Variants in ROBO1 observed in about 807,000 individuals in gnomAD.
The protein encoded by ROBO1 is roundabout homolog 1.
ROBO1 carries 149 observed loss-of-function variants against 195.9 expected under a neutral mutation model. The ratio of observed to expected loss-of-function variants is 0.76; its 90% CI spans 0.67 to 0.87. ROBO1 has a LOEUF of 0.87. Among genes scored for constraint, ROBO1 ranks in the 40% least tolerant of loss-of-function variants. The pLI is 0.00. For synonymous variants in ROBO1, 816 were observed against 733.2 expected (o/e 1.11, Z -1.82); for missense variants, 1,933 against 2,068.3 (o/e 0.93, Z 1.27).
intron 8 of ROBO1, among the ~76,000 whole-genome samples, chr3:78,707,278 T>G (rs892024589): frequency 2.0e-5 from 3 of 152,122 alleles, no homozygotes; most frequent in African/African-American, 2.4e-5. Flanking sequence ...AGCACGGGGC[T>G]TTTTTTCTGT....
At chr3:78,775,514 A>T (rs1014020649) in intron 4 of ROBO1, among the ~76,000 whole-genome samples, 12 of 152,248 alleles carry the variant, frequency 7.9e-5, no homozygotes, top group African/African-American at 2.9e-4. Flanking sequence ...CTTTGCAATA[A>T]CAATTCACTC....
intron 3 of ROBO1, among the ~76,000 whole-genome samples, chr3:79,101,586 A>G (rs2079677340): frequency 6.6e-6 from 1 of 151,630 alleles, no homozygotes; most frequent in Non-Finnish European, 1.5e-5. Flanking sequence ...TCTCATCCTC[A>G]CCGTTTTCTT....
chr3:78,799,576 C>T (rs527652265), intron 4 of ROBO1, among the ~76,000 whole-genome samples: 18 of 152,108 alleles, frequency 1.2e-4, no homozygotes, highest in Admixed American at 8.5e-4. Context: ...CTCCTGACCT[C>T]GTGATCCACC....
intron 5 of ROBO1, among the ~76,000 whole-genome samples, chr3:78,745,325 A>C (rs1211216037): frequency 6.6e-6 from 1 of 151,012 alleles, no homozygotes; most frequent in Non-Finnish European, 1.5e-5. Context: ...AAAAAAAAAA[A>C]GATTTTTGTC....
At chr3:79,588,492 C>A (rs1481697851) in intron 2 of ROBO1, among the ~76,000 whole-genome samples, 17 of 151,604 alleles carry the variant, frequency 1.1e-4, no homozygotes, top group African/African-American at 3.9e-4. Flanking sequence ...GGAATTATAC[C>A]TAGGCTGTAT....
chr3:79,562,997 A>G (rs1942973979), intron 2 of ROBO1, among the ~76,000 whole-genome samples: 2 of 147,008 alleles, frequency 1.4e-5, no homozygotes, highest in Non-Finnish European at 3.0e-5. Flanking sequence ...TTGAGATTGC[A>G]TTCCCAGTAT....
At chr3:79,262,317 C>T (rs1444620504) in intron 2 of ROBO1, among the ~76,000 whole-genome samples, 1 of 152,046 alleles carries the variant, frequency 6.6e-6, no homozygotes, top group Non-Finnish European at 1.5e-5. Context: ...ATTCTCTCTC[C>T]AAGCCCACCT....
At chr3:79,365,542 T>A (rs528577380) in intron 2 of ROBO1, among the ~76,000 whole-genome samples, 2 of 152,130 alleles carry the variant, frequency 1.3e-5, no homozygotes, top group South Asian at 4.2e-4. Context: ...ACCAACCCCC[T>A]CCATTGAGTC....
intron 3 of ROBO1, among the ~76,000 whole-genome samples, chr3:78,985,126 C>A (rs1301802225): frequency 6.6e-6 from 1 of 152,090 alleles, no homozygotes; most frequent in Non-Finnish European, 1.5e-5. Context: ...CCAGCCTGGG[C>A]AACATGGCAA....
chr3:79,751,323 C>T (rs764867448), intron 1 of ROBO1, among the ~76,000 whole-genome samples: 6 of 152,022 alleles, frequency 3.9e-5, no homozygotes, highest in South Asian at 2.1e-4. Context: ...ATTGTATTAT[C>T]ATATCATTAA....
intron 2 of ROBO1, among the ~76,000 whole-genome samples, chr3:79,139,470 TG>T (rs1471027630): frequency 6.6e-6 from 1 of 152,170 alleles, no homozygotes; most frequent in Non-Finnish European, 1.5e-5. Flanking sequence ...TGACACAACA[TG>T]TTTTTTTCTT....
At chr3:79,430,537 C>T (rs1012337327) in intron 2 of ROBO1, among the ~76,000 whole-genome samples, 29 of 152,174 alleles carry the variant, frequency 1.9e-4, no homozygotes, top group Non-Finnish European at 3.5e-4. Context: ...CCCCAAATAG[C>T]TGAAGTGCTA....
chr3:79,044,514 T>C (rs539254643), intron 3 of ROBO1, among the ~76,000 whole-genome samples: 10 of 152,300 alleles, frequency 6.6e-5, no homozygotes, highest in South Asian at 2.1e-4. Context: ...AAAATACTTA[T>C]AATTTGCTTT....
chr3:78,924,688 C>T (rs1342528179), intron 4 of ROBO1, among the ~76,000 whole-genome samples: 1 of 151,778 alleles, frequency 6.6e-6, no homozygotes, highest in East Asian at 1.9e-4. Context: ...CCTACCTCCC[C>T]TAAGTAGCAT....
At chr3:79,235,587 C>T (rs1250765098) in intron 2 of ROBO1, among the ~76,000 whole-genome samples, 1 of 152,138 alleles carries the variant, frequency 6.6e-6, no homozygotes, top group Non-Finnish European at 1.5e-5. Context: ...AGAAAAATCT[C>T]AAGGGTCCTC....
chr3:79,342,307 G>A (rs2034938874), intron 2 of ROBO1, among the ~76,000 whole-genome samples: 1 of 152,292 alleles, frequency 6.6e-6, no homozygotes, highest in South Asian at 2.1e-4. Context: ...GTAGCAAAAA[G>A]AGACTGGAAT....
At chr3:79,677,820 C>G (rs549838016) in intron 1 of ROBO1, among the ~76,000 whole-genome samples, 1 of 152,146 alleles carries the variant, frequency 6.6e-6, no homozygotes, top group Non-Finnish European at 1.5e-5. Flanking sequence ...AGTGGAGGTG[C>G]TAAATGAGAA....
intron 1 of ROBO1, among the ~76,000 whole-genome samples, chr3:79,689,056 T>G (rs1947223554): frequency 6.6e-6 from 1 of 151,978 alleles, no homozygotes; most frequent in African/African-American, 2.4e-5. Context: ...CATTATATCT[T>G]TAACTTACTG....
chr3:79,021,494 TC>T (rs1012266661), intron 3 of ROBO1, among the ~76,000 whole-genome samples: 2 of 152,058 alleles, frequency 1.3e-5, no homozygotes, highest in Non-Finnish European at 2.9e-5. Context: ...ATTGCATTGT[TC>T]CCCCAAATGG....
Sources: allele counts gnomAD v4.1 joint callset (sites outside exome capture counted in the v4.1 genomes callset), GRCh38; gene constraint gnomAD v4.1.1; transcripts MANE v1.5; gene names NCBI Gene and HGNC (gene_info 2026-07-23, HGNC 2026-07-21).